The following CTNNA3 variants were observed in gnomAD, a reference collection of about 807,000 sequenced individuals.
CTNNA3 encodes the protein catenin alpha-3.
A neutral mutation model predicts 95.7 loss-of-function variants in CTNNA3; 76 were observed. The ratio of observed to expected loss-of-function variants is 0.79; its 90% CI spans 0.66 to 0.96. The LOEUF (loss-of-function observed/expected upper bound fraction) is 0.96, where lower values mean the gene tolerates loss of function less well. CTNNA3 is among the 40% of genes least tolerant of loss of function. CTNNA3 has a pLI of 0.00. For synonymous variants in CTNNA3, 431 were observed against 374.4 expected (o/e 1.15, Z -1.74); for missense variants, 1,191 against 1,089.8 (o/e 1.09, Z -1.31).
At chr10:67,517,243 A>G (rs1213430756) in intron 5 of CTNNA3, among the ~76,000 whole-genome samples, 1 of 152,126 alleles carries the variant, frequency 6.6e-6, no homozygotes, top group Non-Finnish European at 1.5e-5. Context: ...TTTTCTTCAC[A>G]TCATCACTAA....
intron 15 of CTNNA3, among the ~76,000 whole-genome samples, chr10:65,998,588 G>T (rs989180272): frequency 3.3e-5 from 5 of 152,160 alleles, no homozygotes; most frequent in Non-Finnish European, 7.3e-5. Flanking sequence ...TGCTTCAAGG[G>T]AAAGAGGGAT....
chr10:67,089,155 A>G (rs1284373402), intron 7 of CTNNA3, among the ~76,000 whole-genome samples: 1 of 151,976 alleles, frequency 6.6e-6, no homozygotes, highest in East Asian at 1.9e-4. Context: ...CCTAGAGCCA[A>G]TCCCCCATGG....
intron 7 of CTNNA3, among the ~76,000 whole-genome samples, chr10:67,153,160 G>A (rs1345319908): frequency 6.6e-6 from 1 of 152,098 alleles, no homozygotes; most frequent in East Asian, 1.9e-4. Context: ...ATTTTTAGTA[G>A]AGACGGGGTT....
intron 1 of CTNNA3, among the ~76,000 whole-genome samples, chr10:67,682,321 T>G (rs1168007268): frequency 1.4e-5 from 2 of 146,362 alleles, no homozygotes; most frequent in Non-Finnish European, 3.0e-5. Context: ...AGCGAGACTC[T>G]ATCTCAAAAA....
At chr10:66,851,628 T>TCACACACACA (rs1380371147) in intron 7 of CTNNA3, among the ~76,000 whole-genome samples, 3 of 92,852 alleles carry the variant, frequency 3.2e-5, no homozygotes, top group African/African-American at 9.4e-5. Flanking sequence ...TCTCTTTCTC[T>TCACACACACA]CACATACACA....
intron 15 of CTNNA3, among the ~76,000 whole-genome samples, chr10:66,038,412 A>G (rs1482862370): frequency 6.6e-6 from 1 of 152,128 alleles, no homozygotes; most frequent in Non-Finnish European, 1.5e-5. Context: ...TCGTGGCTGC[A>G]TTGCTGATAC....
chr10:67,383,796 T>C (rs1355241559), intron 5 of CTNNA3, among the ~76,000 whole-genome samples: 1 of 152,202 alleles, frequency 6.6e-6, no homozygotes, highest in Non-Finnish European at 1.5e-5. Flanking sequence ...AAGGTGAAAA[T>C]AACCCACTTC....
chr10:67,475,881 T>G (rs1847989742), intron 5 of CTNNA3, among the ~76,000 whole-genome samples: 1 of 152,166 alleles, frequency 6.6e-6, no homozygotes, highest in African/African-American at 2.4e-5. Context: ...TTCTTTAGAA[T>G]GAGGGAACAT....
chr10:67,754,157 C>A lies in CTNNA3; in HGVS notation c.-2+9277G>T, dbSNP rs374856947. Reference sequence around the variant, plus strand: ...CCATAAAAAGGAACAAGATCGTGACCTTTGCAGGGAGATGGATGGAGCTAG... The same window carrying A: ...CCATAAAAAGGAACAAGATCGTGACATTTGCAGGGAGATGGATGGAGCTAG... On this transcript the variant is annotated intron_variant, in intron 1 of 17. Transcript: ENST00000684154. Among the ~76,000 whole-genome samples, 4 of 152,262 alleles carry A rather than the reference C, an allele frequency of 2.6e-5. No homozygotes were observed. The East Asian group carries it at 7.7e-4, about 29-fold the overall frequency.
intron 13 of CTNNA3, among the ~76,000 whole-genome samples, chr10:66,266,479 A>G (rs2091162658): frequency 6.6e-6 from 1 of 152,062 alleles, no homozygotes; most frequent in Non-Finnish European, 1.5e-5. Context: ...GTGAGTTCAT[A>G]TGTTTTTGCA....
intron 9 of CTNNA3, among the ~76,000 whole-genome samples, chr10:66,700,846 G>A (rs1847919696): frequency 6.6e-6 from 1 of 152,116 alleles, no homozygotes; most frequent in Non-Finnish European, 1.5e-5. Flanking sequence ...TTCTATAGCA[G>A]GAGCTGTATA....
At chr10:66,746,887 G>A (rs938844414) in intron 9 of CTNNA3, among the ~76,000 whole-genome samples, 10 of 151,236 alleles carry the variant, frequency 6.6e-5, no homozygotes, top group East Asian at 2.0e-4. Context: ...GTGTGTGTGC[G>A]TGCACACACA....
chr10:67,367,301 G>C (rs1354775376), intron 5 of CTNNA3, among the ~76,000 whole-genome samples: 2 of 151,794 alleles, frequency 1.3e-5, no homozygotes, highest in Non-Finnish European at 2.9e-5. Flanking sequence ...CTCAAAAGAA[G>C]ACATACAAGT....
intron 3 of CTNNA3, among the ~76,000 whole-genome samples, chr10:67,552,852 C>A (rs1274298419): frequency 6.6e-6 from 1 of 152,100 alleles, no homozygotes; most frequent in Admixed American, 6.6e-5. Context: ...GATCTCATTT[C>A]TTTTTATGGC....
At chr10:66,653,122 A>G (rs1178660858) in intron 9 of CTNNA3, among the ~76,000 whole-genome samples, 1 of 152,160 alleles carries the variant, frequency 6.6e-6, no homozygotes, top group Non-Finnish European at 1.5e-5. Context: ...AGCCAGAGCA[A>G]TTAGGCAAAA....
intron 1 of CTNNA3, among the ~76,000 whole-genome samples, chr10:67,722,880 A>G (rs1209967634): frequency 6.6e-6 from 1 of 152,218 alleles, no homozygotes; most frequent in East Asian, 1.9e-4. Flanking sequence ...AAATAGATTA[A>G]AATCCCTTCT....
intron 13 of CTNNA3, among the ~76,000 whole-genome samples, chr10:66,174,462 C>T (rs2085603231): frequency 1.3e-5 from 2 of 151,960 alleles, no homozygotes; most frequent in African/African-American, 2.4e-5. Flanking sequence ...GCATCTAGTA[C>T]ATAGTAGGCA....
chr10:66,706,435 C>T (rs1217349765), intron 9 of CTNNA3, among the ~76,000 whole-genome samples: 1 of 151,386 alleles, frequency 6.6e-6, no homozygotes, highest in Non-Finnish European at 1.5e-5. Context: ...TTTAGCCCAT[C>T]TTCTGAATGA....
At chr10:66,185,796 T>G (rs2086303084) in intron 13 of CTNNA3, among the ~76,000 whole-genome samples, 1 of 152,026 alleles carries the variant, frequency 6.6e-6, no homozygotes, top group Non-Finnish European at 1.5e-5. Context: ...CAGATTTTTT[T>G]GAAGGGTAGT....
Sources: gnomAD v4.1 joint callset for allele counts (sites outside exome capture counted in the v4.1 genomes callset) on GRCh38, gnomAD v4.1.1 for gene constraint, MANE v1.5 for transcripts, NCBI Gene and HGNC (gene_info 2026-07-23, HGNC 2026-07-21) for gene names.